The following ZSWIM6 variants were observed in gnomAD, a reference collection of about 807,000 sequenced individuals.
ZSWIM6 encodes zinc finger SWIM-type containing 6.
In ZSWIM6, 9 loss-of-function variants were observed where a neutral mutation model predicts 113.2. The observed-to-expected ratio is 0.08, with a 90% CI of 0.05 to 0.14. ZSWIM6 has a LOEUF of 0.14. ZSWIM6 is among the 10% of genes least tolerant of loss of function. The pLI is 1.00. For missense variants in ZSWIM6, 1,162 were observed against 1,552.2 expected, an observed-to-expected ratio of 0.75 and a Z score of 4.22; for synonymous variants, 611 against 606.5, an observed-to-expected ratio of 1.01 and a Z score of -0.11.
chr5:61,390,007 A>AT (rs1447242297), intron 1 of ZSWIM6, among the ~76,000 whole-genome samples: 1 of 151,980 alleles, frequency 6.6e-6, no homozygotes, highest in Non-Finnish European at 1.5e-5. Context: ...ACAGAATAGA[A>AT]TTTTTCTTTC....
intron 1 of ZSWIM6, among the ~76,000 whole-genome samples, chr5:61,397,519 C>G (rs937256453): frequency 3.3e-5 from 5 of 151,922 alleles, no homozygotes; most frequent in African/African-American, 1.2e-4. Context: ...GCATGCACAG[C>G]CCATCAGTGA....
intron 4 of ZSWIM6, among the ~76,000 whole-genome samples, chr5:61,507,502 C>T (rs1424263060): frequency 6.6e-6 from 1 of 152,206 alleles, no homozygotes; most frequent in Non-Finnish European, 1.5e-5. Flanking sequence ...CAGAGCCAAT[C>T]TCAAGGTTTT....
intron 1 of ZSWIM6, among the ~76,000 whole-genome samples, chr5:61,414,067 C>G (rs1579983874): frequency 6.6e-6 from 1 of 152,150 alleles, no homozygotes; most frequent in East Asian, 1.9e-4. Flanking sequence ...GGGCAAAGAT[C>G]ATCCTGTGAG....
chr5:61,494,718 T>C (rs896582188), intron 4 of ZSWIM6, among the ~76,000 whole-genome samples: 2 of 152,258 alleles, frequency 1.3e-5, no homozygotes, highest in African/African-American at 4.8e-5. Context: ...ATTGTAGAGC[T>C]GATTACTTAT....
intron 1 of ZSWIM6, among the ~76,000 whole-genome samples, chr5:61,443,203 A>G (rs1029791469): frequency 6.6e-6 from 1 of 152,246 alleles, no homozygotes; most frequent in Non-Finnish European, 1.5e-5. Context: ...AAGCAAAGCA[A>G]AACAACAATT....
intron 2 of ZSWIM6, among the ~76,000 whole-genome samples, chr5:61,476,118 C>T (rs1319277389): frequency 6.6e-6 from 1 of 152,152 alleles, no homozygotes. Flanking sequence ...TGAGTAAATA[C>T]AAAATATGTT....
intron 1 of ZSWIM6, among the ~76,000 whole-genome samples, chr5:61,351,037 TA>T (rs1410090668): frequency 1.3e-5 from 2 of 152,200 alleles, no homozygotes; most frequent in African/African-American, 2.4e-5. Flanking sequence ...AACATTGTTT[TA>T]AAAAAATCTG....
At chr5:61,394,566 C>T (rs948058056) in intron 1 of ZSWIM6, among the ~76,000 whole-genome samples, 5 of 152,124 alleles carry the variant, frequency 3.3e-5, no homozygotes, top group Admixed American at 1.3e-4. Flanking sequence ...TAAGATGACT[C>T]ACATTAAGTA....
intron 1 of ZSWIM6, among the ~76,000 whole-genome samples, chr5:61,467,279 A>G (rs979617332): frequency 3.9e-5 from 6 of 152,322 alleles, no homozygotes; most frequent in Non-Finnish European, 7.4e-5. Flanking sequence ...AACATAATAT[A>G]TCTTTATTAA....
At chr5:61,467,932 A>G (rs909814495) in intron 1 of ZSWIM6, among the ~76,000 whole-genome samples, 34 of 152,144 alleles carry the variant, frequency 2.2e-4, no homozygotes, top group African/African-American at 6.3e-4. Flanking sequence ...CCTCCCCTCA[A>G]GATTCCAGTA....
At chr5:61,504,386 A>T (rs915232277) in intron 4 of ZSWIM6, among the ~76,000 whole-genome samples, 6 of 152,226 alleles carry the variant, frequency 3.9e-5, no homozygotes, top group African/African-American at 1.4e-4. Flanking sequence ...TTATACTATC[A>T]TACACAATAC....
At chr5:61,406,210 T>C (rs1323219815) in intron 1 of ZSWIM6, among the ~76,000 whole-genome samples, 1 of 152,224 alleles carries the variant, frequency 6.6e-6, no homozygotes, top group Non-Finnish European at 1.5e-5. Context: ...TGAGGTCCTG[T>C]TCAAAACTGT....
chr5:61,423,362 C>T (rs767220634), intron 1 of ZSWIM6, among the ~76,000 whole-genome samples: 2 of 150,684 alleles, frequency 1.3e-5, no homozygotes, highest in East Asian at 2.0e-4. Context: ...GAGCTGAGAT[C>T]GTGCTATTGC....
intron 7 of ZSWIM6, 57 bp from the exon 8 acceptor site, chr5:61,529,995 T>C: frequency 6.9e-7 from 1 of 1,442,340 alleles, no homozygotes; most frequent in South Asian, 1.4e-5. Context: ...TTTCCCCACT[T>C]CTTTCCCTTC....
intron 1 of ZSWIM6, among the ~76,000 whole-genome samples, chr5:61,360,352 A>G (rs1745008466): frequency 6.6e-6 from 1 of 152,260 alleles, no homozygotes; most frequent in African/African-American, 2.4e-5. Flanking sequence ...ATAGACTTCT[A>G]GCCCCTTGTA....
intron 1 of ZSWIM6, among the ~76,000 whole-genome samples, chr5:61,353,573 G>A (rs1253838811): frequency 6.6e-6 from 1 of 152,158 alleles, no homozygotes; most frequent in Non-Finnish European, 1.5e-5. Context: ...TGACCTCTGA[G>A]CAGTGTTTCA....
chr5:61,359,415 A>G (rs1197211078), intron 1 of ZSWIM6, among the ~76,000 whole-genome samples: 3 of 152,050 alleles, frequency 2.0e-5, no homozygotes, highest in African/African-American at 7.3e-5. Flanking sequence ...CCTCCCCTTT[A>G]AAAAAATATT....
chr5:61,451,911 G>A (rs1270403433), intron 1 of ZSWIM6, among the ~76,000 whole-genome samples: 2 of 152,030 alleles, frequency 1.3e-5, no homozygotes, highest in Non-Finnish European at 2.9e-5. Flanking sequence ...CCTTTTAGTA[G>A]TTACAAATAT....
At position 61,363,955 on chromosome 5, in the gene ZSWIM6, C is replaced by CTCCT. The variant is rs370391723; in HGVS notation, c.676+31020_676+31023dup. 1.1e-3 allele frequency among the ~76,000 whole-genome samples: 160 copies of CTCCT among 146,026 alleles called. 3 individuals are homozygous for CTCCT. In the East Asian group the frequency reaches 0.014, roughly 13 times the overall value. On this transcript the variant is annotated intron_variant, in intron 1 of 13. Transcript: ENST00000252744. Reference sequence around the variant, plus strand: ...TCTTTCTTTCTTTTTCTTTCTCTCTCTCCTTCCTTCCTTCCTCCCTCCCTC... The same window carrying CTCCT: ...TCTTTCTTTCTTTTTCTTTCTCTCTCTCCTTCCTTCCTTCCTTCCTCCCTCCCTC...
Sources: allele counts gnomAD v4.1 joint callset (sites outside exome capture counted in the v4.1 genomes callset), GRCh38; gene constraint gnomAD v4.1.1; transcripts MANE v1.5; gene names NCBI Gene and HGNC (gene_info 2026-07-23, HGNC 2026-07-21).